CTNNBIP1: variants seen among roughly 807,000 people sequenced by gnomAD.
CTNNBIP1 encodes catenin beta interacting protein 1, also known as beta-catenin-interacting protein 1.
Under a neutral mutation model 11.8 loss-of-function variants are expected in CTNNBIP1, and 7 were observed. That is an observed-to-expected ratio of 0.60 (90% confidence interval 0.34 to 1.12). The LOEUF (loss-of-function observed/expected upper bound fraction) is 1.12. Ranked by LOEUF, CTNNBIP1 falls within the 50% of genes most tolerant of loss-of-function variation. CTNNBIP1 has a pLI of 0.03. For missense variants in CTNNBIP1, 101 were observed against 113.4 expected (o/e 0.89, Z 0.50); for synonymous variants, 58 against 43.9 (o/e 1.32, Z -1.26).
At chr1:9,892,503 G>C (rs1458851806) in intron 1 of CTNNBIP1, among the ~76,000 whole-genome samples, 2 of 151,608 alleles carry the variant, frequency 1.3e-5, no homozygotes, top group African/African-American at 4.9e-5. Context: ...TGAGGTGGGA[G>C]GATCCCAAGA....
intron 5 of CTNNBIP1, among the ~76,000 whole-genome samples, chr1:9,860,680 T>A (rs1252852258): frequency 2.7e-5 from 4 of 150,260 alleles, no homozygotes; most frequent in Non-Finnish European, 5.9e-5. Context: ...CCCACAACCA[T>A]GTGCCCTGGG....
intron 1 of CTNNBIP1, among the ~76,000 whole-genome samples, chr1:9,886,644 C>G (rs934717075): frequency 3.9e-5 from 6 of 152,286 alleles, no homozygotes; most frequent in Middle Eastern, 6.8e-3. Context: ...CACATCGGAG[C>G]AGGATGGAAC....
intron 5 of CTNNBIP1, among the ~76,000 whole-genome samples, chr1:9,855,257 T>TC (rs1414335314): frequency 6.9e-6 from 1 of 145,422 alleles, no homozygotes; most frequent in Non-Finnish European, 1.5e-5. Flanking sequence ...AAAATTGCCT[T>TC]TTTTTTTTTT....
Position 9,871,100 on chromosome 1 carries a change from G to C in CTNNBIP1, c.187+87C>G. The C allele has an allele frequency of 2.0e-6, 2 of 990,008 alleles. No homozygotes were observed. The highest frequency in any genetic ancestry group is 4.1e-4 in the Middle Eastern group (2 of 4,880). The allele number at this position is 990,008 out of a possible 1,614,324, so 61.3% of individuals were successfully genotyped here. A position where few individuals can be genotyped will look rare whatever the true frequency, so the allele number is the denominator to read the frequency against. On this transcript the variant is annotated intron_variant, in intron 5 of 5. Transcript: ENST00000377263. The surrounding 1 kb of genome is among the most constrained non-coding windows in gnomAD (Gnocchi z 5.2). ...GGTCTCATGGATCACCCATCAAAGA[G>C]GGCTGGAGCTACGCTTTCTAAGGGA... is the stretch of plus-strand genomic sequence containing the variant.
chr1:9,875,941 A>G (rs891650872), intron 3 of CTNNBIP1, among the ~76,000 whole-genome samples: 1 of 152,232 alleles, frequency 6.6e-6, no homozygotes, highest in African/African-American at 2.4e-5. Context: ...CATTTCAGTC[A>G]TGGTGCTCAA....
At chr1:9,900,610 C>T (rs552099915) in intron 1 of CTNNBIP1, among the ~76,000 whole-genome samples, 3 of 152,308 alleles carry the variant, frequency 2.0e-5, no homozygotes, top group African/African-American at 7.2e-5. Flanking sequence ...CCCCTTGTGC[C>T]AGCAGCAGCA....
chr1:9,873,968 G>A (rs1377523198), intron 3 of CTNNBIP1, among the ~76,000 whole-genome samples: 1 of 151,976 alleles, frequency 6.6e-6, no homozygotes, highest in African/African-American at 2.4e-5. Context: ...CAAACTCCTG[G>A]GCTCAAGTGA....
chr1:9,866,166 A>C (rs1285613872), intron 5 of CTNNBIP1, among the ~76,000 whole-genome samples: 1 of 152,220 alleles, frequency 6.6e-6, no homozygotes, highest in Non-Finnish European at 1.5e-5. Context: ...TGGGTGTAGC[A>C]CAGCTGAGGT....
chr1:9,870,215 C>T (rs568169228), intron 5 of CTNNBIP1, among the ~76,000 whole-genome samples: 137 of 152,352 alleles, frequency 9.0e-4, no homozygotes, highest in African/African-American at 2.5e-3. Context: ...ACTCTGCTTT[C>T]GGGGGCCCGC....
At chr1:9,893,634 G>A (rs754167101) in intron 1 of CTNNBIP1, among the ~76,000 whole-genome samples, 3 of 152,232 alleles carry the variant, frequency 2.0e-5, no homozygotes, top group Non-Finnish European at 4.4e-5. Flanking sequence ...GTCACTGGAA[G>A]AGGGTTAATT....
intron 1 of CTNNBIP1, among the ~76,000 whole-genome samples, chr1:9,906,200 TC>T (rs1172173157): frequency 1.3e-5 from 2 of 152,216 alleles, no homozygotes; most frequent in Non-Finnish European, 2.9e-5. Context: ...ATCATGCAGC[TC>T]CTGAAGGCAG....
At chr1:9,901,528 C>T (rs138912912) in intron 1 of CTNNBIP1, among the ~76,000 whole-genome samples, 2 of 152,062 alleles carry the variant, frequency 1.3e-5, no homozygotes, top group African/African-American at 2.4e-5. Context: ...AGGTCAAGGA[C>T]ATTGACCACA....
chr1:9,870,318 G>T (rs1638834929), intron 5 of CTNNBIP1, among the ~76,000 whole-genome samples: 1 of 152,270 alleles, frequency 6.6e-6, no homozygotes, highest in African/African-American at 2.4e-5. Flanking sequence ...CTATGGAGAT[G>T]CTGGTCAGAA....
At chr1:9,906,554 C>T (rs1340105522) in intron 1 of CTNNBIP1, among the ~76,000 whole-genome samples, 1 of 151,326 alleles carries the variant, frequency 6.6e-6, no homozygotes, top group African/African-American at 2.4e-5. Flanking sequence ...AGCAAAACTC[C>T]ATCTAAAAAA....
intron 1 of CTNNBIP1, among the ~76,000 whole-genome samples, chr1:9,903,654 G>A (rs1007386457): frequency 1.3e-5 from 2 of 152,132 alleles, no homozygotes; most frequent in African/African-American, 4.8e-5. Context: ...TGGGAACTAC[G>A]AAGGTACAAG....
chr1:9,858,248 G>T (rs1364380669), intron 5 of CTNNBIP1, among the ~76,000 whole-genome samples: 2 of 152,106 alleles, frequency 1.3e-5, no homozygotes, highest in African/African-American at 4.8e-5. Flanking sequence ...CCACATAACT[G>T]CCAGGGGGAA....
chr1:9,873,229 G>A (rs974077208), intron 3 of CTNNBIP1, among the ~76,000 whole-genome samples: 8 of 152,090 alleles, frequency 5.3e-5, no homozygotes, highest in Admixed American at 2.6e-4. Context: ...TGCTGGATGC[G>A]GCATAGGTCT....
At chr1:9,895,418 G>C (rs1031417002) in intron 1 of CTNNBIP1, among the ~76,000 whole-genome samples, 8 of 144,520 alleles carry the variant, frequency 5.5e-5, no homozygotes, top group African/African-American at 1.6e-4. Context: ...GGCTGGTCTT[G>C]AACTCCTGAC....
chr1:9,895,919 C>T (rs1413433512), intron 1 of CTNNBIP1, among the ~76,000 whole-genome samples: 1 of 152,106 alleles, frequency 6.6e-6, no homozygotes, highest in Non-Finnish European at 1.5e-5. Flanking sequence ...TGAGCCACCA[C>T]GCCCGACCTT....
Sources: gnomAD v4.1 joint callset for allele counts (sites outside exome capture counted in the v4.1 genomes callset) on GRCh38, gnomAD v4.1.1 for gene constraint, Gnocchi (gnomAD v3.1) non-coding constraint, MANE v1.5 for transcripts, NCBI Gene and HGNC (gene_info 2026-07-23, HGNC 2026-07-21) for gene names.